The following WDR75 variants were observed in gnomAD, a reference collection of about 807,000 sequenced individuals.
WDR75 encodes WD repeat-containing protein 75.
WDR75 carries 52 observed loss-of-function variants against 106.1 expected under a neutral mutation model. That is an observed-to-expected ratio of 0.49 (90% CI 0.39 to 0.62). The LOEUF is 0.62. Among genes scored for constraint, WDR75 ranks in the 20% least tolerant of loss-of-function variants. The pLI, the probability that WDR75 is intolerant of heterozygous loss-of-function variation, is 0.00. For missense variants in WDR75, 905 were observed against 970.3 expected, an observed-to-expected ratio of 0.93 and a Z score of 0.89; for synonymous variants, 333 against 335.5, an observed-to-expected ratio of 0.99 and a Z score of 0.08.
intron 1 of WDR75, among the ~76,000 whole-genome samples, chr2:189,445,550 T>C (rs1173125316): frequency 6.6e-6 from 1 of 152,152 alleles, no homozygotes; most frequent in African/African-American, 2.4e-5. Flanking sequence ...TGTCACTGAT[T>C]GGAAGGTTCT....
chr2:189,444,184 G>C (rs1191723919), intron 1 of WDR75, among the ~76,000 whole-genome samples: 1 of 152,068 alleles, frequency 6.6e-6, no homozygotes, highest in Admixed American at 6.5e-5. Flanking sequence ...GCAAAGATTT[G>C]AATATTATCT....
In WDR75 at chr2:189,467,538, C is replaced by T; in HGVS notation, c.1518C>T (p.Phe506=). 1.2e-6 allele frequency: 2 copies of T among 1,611,546 alleles called. No homozygotes were observed. The highest frequency in any genetic ancestry group is 8.5e-7 in the Non-Finnish European group (1 of 1,178,624). ...YHKYQATNCC[F]SEDGSLLAVS... is the part of the protein sequence containing the mutation. ...AGTATCAAGCAACTAACTGTTGTTT[C>T]TCCGAAGATGGTTCTTTACTAGCAG... The change falls in exon 14 of 21, where the codon TTC becomes TTT. Residue 506 remains phenylalanine, a synonymous_variant. Coordinates refer to ENST00000314761, the MANE Select transcript of WDR75 (RefSeq NM_032168.3).
intron 2 of WDR75, chr2:189,449,872 T>C (rs1347165772): frequency 2.0e-5 from 20 of 984,854 alleles, no homozygotes; most frequent in Non-Finnish European, 6.0e-6. Context: ...TTTGCAGAAA[T>C]CCTAAAATTG....
intron 18 of WDR75, among the ~76,000 whole-genome samples, chr2:189,471,631 A>G (rs1438979754): frequency 6.6e-6 from 1 of 152,178 alleles, no homozygotes; most frequent in Non-Finnish European, 1.5e-5. Flanking sequence ...TATTCTTTCA[A>G]GTCATAAAGG....
rs201125667 is a variant in WDR75 at position 189,441,543 on chromosome 2, G to A, written c.51G>A (p.Leu17=). 2 of 1,563,584 alleles carry A rather than the reference G, an allele frequency of 1.3e-6. No individual in the cohort carries two copies. The highest frequency in any genetic ancestry group is 1.7e-6 in the Non-Finnish European group (2 of 1,152,860). Residue 17 remains leucine (L), a synonymous_variant, in exon 1 of 21, where the codon TTG becomes TTA. Transcript: ENST00000314761. ...TGGTTCGTTGTGGCGGCAGCGAGTT[G>A]AACTTTAGGAGAGCTGTGTTCTCTG... ...IRVVRCGGSE[L]NFRRAVFSAD...
intron 5 of WDR75, 38 bp from the exon 6 acceptor site, chr2:189,457,273 T>TTC: frequency 1.5e-6 from 2 of 1,368,334 alleles, no homozygotes; most frequent in Non-Finnish European, 2.1e-6. Context: ...GAGTGTTGAC[T>TTC]ATTTTTGTGA....
chr2:189,466,570 T>C lies in WDR75; in HGVS notation c.1435T>C (p.Ser479Pro). The change falls in exon 13 of 21, where the codon TCT becomes CCT. Residue 479 changes from serine (S) to proline (P), a missense_variant. By Grantham distance (74) the Ser-to-Pro change is moderately conservative. Coordinates refer to ENST00000314761, the MANE Select transcript of WDR75 (RefSeq NM_032168.3). Reference sequence around the variant, plus strand: ...CAAAGTATGGATATTAACAGATGACTCTGACATATACAGTAAGTTATTAAA... The same window carrying C: ...CAAAGTATGGATATTAACAGATGACCCTGACATATACAGTAAGTTATTAAA... ...YFKVWILTDD[S>P]DIYKKAVGWT... The C allele has an allele frequency of 1.9e-6, 3 of 1,611,470 alleles. No homozygotes were observed.
intron 14 of WDR75, 95 bp downstream of exon 14, chr2:189,467,743 A>C (rs1363779746): frequency 2.3e-5 from 28 of 1,198,484 alleles, no homozygotes; most frequent in Non-Finnish European, 5.6e-6. Context: ...CTCCAAAAGT[A>C]GCCTGAAGGT....
At chr2:189,472,158 C>T (rs1687130797) in intron 18 of WDR75, among the ~76,000 whole-genome samples, 1 of 152,140 alleles carries the variant, frequency 6.6e-6, no homozygotes, top group Admixed American at 6.5e-5. Flanking sequence ...TTGCGGTATT[C>T]ACAGTCCACC....
chr2:189,470,799 CATT>C lies in WDR75; in HGVS notation c.1990-18_1990-16del, dbSNP rs1444678464. On this transcript the variant is annotated splice_polypyrimidine_tract_variant and intron_variant, in intron 17 of 20. Coordinates refer to ENST00000314761, the MANE Select transcript of WDR75 (RefSeq NM_032168.3). ...GCACTCTACAGTTTGTCTTTTGCAT[CATT>C]AATTCTCTCTTTTCAGAGTTTATTG... The C allele has an allele frequency of 3.8e-6, 6 of 1,570,626 alleles. No individual in the cohort carries two copies. Among genetic ancestry groups the C allele is most frequent in the East Asian group, 2.3e-5 (1 of 43,066 alleles).
intron 20 of WDR75, 94 bp from the exon 21 acceptor site, chr2:189,475,119 T>C (rs1687187791): frequency 1.0e-6 from 1 of 978,356 alleles, no homozygotes; most frequent in African/African-American, 1.7e-5. Context: ...TTCATTTACT[T>C]TGTGTGATTA....
chr2:189,465,116 G>A lies in WDR75; in HGVS notation c.1151G>A (p.Gly384Asp). 1.2e-6 allele frequency: 2 copies of A among 1,611,382 alleles called. No homozygotes were observed. The highest frequency in any genetic ancestry group is 1.3e-5 in the African/African-American group (1 of 74,840). ...IIQQEYINDY[G>D]LIQIELTKAA... ...CAGCAAGAATATATTAATGATTATG[G>A]TCTGATCCAAATTGAACTAACAAAG... Residue 384 changes from glycine to aspartate, a missense_variant, in exon 12 of 21, where the codon GGT becomes GAT. By Grantham distance (94) the Gly-to-Asp change is moderately conservative (BLOSUM62 -1). Transcript: ENST00000314761.
intron 2 of WDR75, chr2:189,450,447 C>T (rs1478708374): frequency 6.9e-6 from 6 of 872,208 alleles, no homozygotes; most frequent in Non-Finnish European, 8.3e-6. Context: ...ACTGCAACCT[C>T]AGCCTCCCAA....
At chr2:189,471,678 G>T (rs1558990128) in intron 18 of WDR75, among the ~76,000 whole-genome samples, 1 of 152,120 alleles carries the variant, frequency 6.6e-6, no homozygotes, top group Non-Finnish European at 1.5e-5. Flanking sequence ...CTTCAGTCTG[G>T]ACTGATTGCT....
intron 5 of WDR75, among the ~76,000 whole-genome samples, 180 bp from the exon 6 acceptor site, chr2:189,457,131 C>T (rs775205229): frequency 1.1e-4 from 17 of 151,828 alleles, no homozygotes; most frequent in Non-Finnish European, 7.4e-5. Flanking sequence ...ATCCCAGCTA[C>T]TTGGGAGGCT....
At chr2:189,472,928 T>C (rs1687144838) in intron 18 of WDR75, among the ~76,000 whole-genome samples, 1 of 152,018 alleles carries the variant, frequency 6.6e-6, no homozygotes, top group Non-Finnish European at 1.5e-5. Context: ...TTAAGAAATA[T>C]CATAAGGAGG....
intron 6 of WDR75, 65 bp downstream of exon 6, chr2:189,457,446 C>A: frequency 9.7e-7 from 1 of 1,028,800 alleles, no homozygotes; most frequent in Non-Finnish European, 1.5e-6. Flanking sequence ...TTTATTTCTT[C>A]CTAATACCTA....
At chr2:189,453,125 A>T (rs1195347201) in intron 4 of WDR75, among the ~76,000 whole-genome samples, 4 of 152,234 alleles carry the variant, frequency 2.6e-5, no homozygotes, top group Non-Finnish European at 5.9e-5. Context: ...GGAGATGGCA[A>T]CGTTCTTAAA....
Position 189,456,222 on chromosome 2 carries a change from G to A in WDR75, c.498+778G>A, listed in dbSNP as rs928230025. Among the ~76,000 whole-genome samples the A allele has an allele frequency of 4.6e-5, 7 of 152,108 alleles. No individual in the cohort carries two copies. The East Asian group carries it at 5.8e-4, about 13-fold the overall frequency. ...AAAACCGTAGCAACATACCACTTTAGGTCCACTAGAATAGCTAATGTTGAC... is the reference window on the plus strand; with the variant it reads ...AAAACCGTAGCAACATACCACTTTAAGTCCACTAGAATAGCTAATGTTGAC... On this transcript the variant is annotated intron_variant, in intron 5 of 20. Coordinates refer to ENST00000314761, the MANE Select transcript of WDR75 (RefSeq NM_032168.3).
Sources: gnomAD v4.1 joint callset for allele counts (sites outside exome capture counted in the v4.1 genomes callset) on GRCh38, gnomAD v4.1.1 for gene constraint, MANE v1.5 for transcripts, NCBI Gene and HGNC (gene_info 2026-07-23, HGNC 2026-07-21) for gene names.